The following NUAK1 variants were observed in gnomAD, a reference collection of about 807,000 sequenced individuals.
NUAK1 encodes NUAK family SNF1-like kinase 1.
NUAK1 carries 26 observed loss-of-function variants against 56.9 expected under a neutral mutation model. The ratio of observed to expected loss-of-function variants is 0.46; its 90% CI spans 0.33 to 0.63. NUAK1 has a LOEUF of 0.63. Ranked by LOEUF, NUAK1 falls within the 30% of genes least tolerant of loss-of-function variation. The pLI, the probability that NUAK1 is intolerant of heterozygous loss-of-function variation, is 0.02. For synonymous variants in NUAK1, 337 were observed against 336.0 expected (o/e 1.00, Z -0.03); for missense variants, 727 against 876.1 (o/e 0.83, Z 2.15).
intron 6 of NUAK1, among the ~76,000 whole-genome samples, chr12:106,070,145 C>T (rs926772708): frequency 1.3e-5 from 2 of 152,212 alleles, no homozygotes; most frequent in Admixed American, 1.3e-4. Context: ...TCAGAGAGCA[C>T]TGAGGAAGGT....
intron 1 of NUAK1, among the ~76,000 whole-genome samples, chr12:106,126,000 C>G (rs1473582959): frequency 6.6e-6 from 1 of 152,098 alleles, no homozygotes; most frequent in Admixed American, 6.5e-5. Context: ...GCCTCAAGGA[C>G]CACTGAGAGC....
At chr12:106,070,613 C>G (rs1167346976) in intron 6 of NUAK1, among the ~76,000 whole-genome samples, 161 bp downstream of exon 6, 1 of 152,106 alleles carries the variant, frequency 6.6e-6, no homozygotes, top group Non-Finnish European at 1.5e-5. Flanking sequence ...GGGAAAGCAG[C>G]CTAATAAGCC....
At chr12:106,117,157 T>C (rs991972741) in intron 1 of NUAK1, among the ~76,000 whole-genome samples, 3 of 152,180 alleles carry the variant, frequency 2.0e-5, no homozygotes, top group Non-Finnish European at 4.4e-5. Flanking sequence ...AGATGCCTTT[T>C]GAAAGAGACC....
At position 106,067,335 on chromosome 12, in the gene NUAK1, T is replaced by C. The variant is rs1170229574; in HGVS notation, c.1453A>G (p.Ser485Gly). The C allele has an allele frequency of 6.2e-7, 1 of 1,614,196 alleles. No homozygotes were observed. Among genetic ancestry groups the C allele is most frequent in the South Asian group, 1.1e-5 (1 of 91,084 alleles). ...CTGTCCAACAGCTCCGAAGACTCACTGCGCTCTGGGGAAGAGTAGTAACCT... is the reference window on the plus strand; with the variant it reads ...CTGTCCAACAGCTCCGAAGACTCACCGCGCTCTGGGGAAGAGTAGTAACCT... ...ESGYYSSPER[S>G]ESSELLDSND... The change falls in exon 7 of 7, where the codon AGT (serine) becomes GGT (glycine). Residue 485 changes from serine (S) to glycine (G), a missense_variant. Transcript: ENST00000261402. This position sits in a 1 kb window ranked among gnomAD's most constrained non-coding sequence, Gnocchi z 6.0.
At chr12:106,096,096 C>G (rs533080926) in intron 2 of NUAK1, among the ~76,000 whole-genome samples, 29 of 152,188 alleles carry the variant, frequency 1.9e-4, no homozygotes, top group African/African-American at 7.0e-4. Flanking sequence ...ACTGCCTGCG[C>G]AAATTAAGAA....
intron 1 of NUAK1, among the ~76,000 whole-genome samples, chr12:106,128,773 A>C (rs916385175): frequency 6.6e-6 from 1 of 152,162 alleles, no homozygotes; most frequent in African/African-American, 2.4e-5. Context: ...GAAGGAGCTA[A>C]CACCTACCAC....
chr12:106,102,803 G>C (rs371012302), intron 2 of NUAK1, among the ~76,000 whole-genome samples: 3 of 152,188 alleles, frequency 2.0e-5, no homozygotes, highest in South Asian at 4.1e-4. Flanking sequence ...GTTGTGCCTA[G>C]GTCACAGTGG....
At chr12:106,125,193 A>G (rs2033014395) in intron 1 of NUAK1, among the ~76,000 whole-genome samples, 2 of 152,126 alleles carry the variant, frequency 1.3e-5, no homozygotes, top group South Asian at 4.1e-4. Context: ...CTCCCAACAT[A>G]CCTAGACTCA....
At position 106,067,157 on chromosome 12, in the gene NUAK1, T is replaced by A; in HGVS notation, c.1631A>T (p.Glu544Val). 1.2e-6 allele frequency: 2 copies of A among 1,614,136 alleles called. No homozygotes were observed. Among genetic ancestry groups the A allele is most frequent in the African/African-American group, 2.7e-5 (2 of 75,016 alleles). The change falls in exon 7 of 7, where the codon GAA becomes GTA. Residue 544 changes from glutamate (E) to valine (V), a missense_variant. By Grantham distance (121) the Glu-to-Val change is moderately radical (BLOSUM62 -2). Coordinates refer to ENST00000261402, the MANE Select transcript of NUAK1 (RefSeq NM_014840.3). This position sits in a 1 kb window ranked among gnomAD's most constrained non-coding sequence, Gnocchi z 6.0. The stretch of plus-strand genomic sequence containing the variant: ...TGACAGGGATTCCAGTGTGGGCATT[T>A]CAGGGCTGACCAGGGCTGGGTCCAT... ...GTMDPALVSP[E>V]MPTLESLSEP...
chr12:106,081,537 T>A (rs2032518140), intron 4 of NUAK1, among the ~76,000 whole-genome samples: 1 of 152,220 alleles, frequency 6.6e-6, no homozygotes, highest in African/African-American at 2.4e-5. Flanking sequence ...TTTCCCTCCA[T>A]CATGCACAGG....
intron 1 of NUAK1, among the ~76,000 whole-genome samples, chr12:106,118,671 G>A (rs893593572): frequency 6.6e-5 from 10 of 152,286 alleles, no homozygotes; most frequent in South Asian, 4.1e-4. Context: ...ACATCCCTGC[G>A]GAACCCCGCC....
intron 1 of NUAK1, among the ~76,000 whole-genome samples, chr12:106,128,319 CAG>C: frequency 6.6e-6 from 1 of 152,084 alleles, no homozygotes; most frequent in East Asian, 1.9e-4. Context: ...TTAGTAGAGA[CAG>C]GGTTTTGCCA....
At chr12:106,124,869 C>T (rs970400501) in intron 1 of NUAK1, among the ~76,000 whole-genome samples, 2 of 152,004 alleles carry the variant, frequency 1.3e-5, no homozygotes, top group South Asian at 2.1e-4. Context: ...TGGTGGTGCA[C>T]ACCTGTAGTC....
intron 6 of NUAK1, 104 bp downstream of exon 6, chr12:106,070,670 A>C: frequency 7.1e-7 from 1 of 1,414,528 alleles, no homozygotes; most frequent in Non-Finnish European, 9.8e-7. Context: ...GAGGAAAACC[A>C]GGTGACTCCA....
At chr12:106,112,660 G>T (rs2032873939) in intron 1 of NUAK1, among the ~76,000 whole-genome samples, 1 of 152,178 alleles carries the variant, frequency 6.6e-6, no homozygotes, top group Non-Finnish European at 1.5e-5. Context: ...GCTCTGCCTG[G>T]GGGCCCATGG....
chr12:106,136,840 G>A (rs908351498), intron 1 of NUAK1, among the ~76,000 whole-genome samples: 2 of 152,176 alleles, frequency 1.3e-5, no homozygotes, highest in Non-Finnish European at 2.9e-5. Context: ...CAGAAGAAAA[G>A]CATGAATGAA....
chr12:106,105,778 A>G (rs2136471494), intron 2 of NUAK1: 1 of 152,350 alleles, frequency 6.6e-6, no homozygotes, highest in South Asian at 2.1e-4. Flanking sequence ...GTCTTAAAAC[A>G]TAAATGATAG....
chr12:106,127,814 AT>A (rs2033037833), intron 1 of NUAK1, among the ~76,000 whole-genome samples: 1 of 152,086 alleles, frequency 6.6e-6, no homozygotes, highest in Non-Finnish European at 1.5e-5. Flanking sequence ...CAGGCCCTCA[AT>A]TTACAAGTGA....
chr12:106,118,786 TACA>T (rs1281259869), intron 1 of NUAK1, among the ~76,000 whole-genome samples: 1 of 152,218 alleles, frequency 6.6e-6, no homozygotes, highest in Non-Finnish European at 1.5e-5. Context: ...CAAAAACTCT[TACA>T]TTTGTTTAAT....
Sources: allele counts gnomAD v4.1 joint callset (sites outside exome capture counted in the v4.1 genomes callset), GRCh38; gene constraint gnomAD v4.1.1; non-coding constraint Gnocchi (gnomAD v3.1); transcripts MANE v1.5; gene names NCBI Gene and HGNC (gene_info 2026-07-23, HGNC 2026-07-21).